Variants in TRIO observed in about 807,000 individuals in gnomAD.
The protein encoded by TRIO is trio Rho guanine nucleotide exchange factor.
A neutral mutation model predicts 351.9 loss-of-function variants in TRIO; 58 were observed. That is an observed-to-expected ratio of 0.16 (90% confidence interval 0.13 to 0.21). The LOEUF is 0.21. TRIO is among the 10% of genes least tolerant of loss of function. The probability of loss-of-function intolerance (pLI) is 1.00; values close to 1 mark genes in which losing one functional copy is unlikely to be tolerated. For missense variants in TRIO, 3,201 were observed against 4,027.8 expected, an observed-to-expected ratio of 0.79 and a Z score of 5.56; for synonymous variants, 1,758 against 1,595.7, an observed-to-expected ratio of 1.10 and a Z score of -2.42.
chr5:14,174,607 G>A (rs1789296880), intron 1 of TRIO, among the ~76,000 whole-genome samples: 1 of 152,218 alleles, frequency 6.6e-6, no homozygotes. Flanking sequence ...AAGGCTGCGG[G>A]CCTGAACCCT....
chr5:14,234,066 G>GA (rs2152225884), intron 1 of TRIO, among the ~76,000 whole-genome samples: 1 of 152,290 alleles, frequency 6.6e-6, no homozygotes, highest in African/African-American at 2.4e-5. Flanking sequence ...AAGGTGCTGA[G>GA]ATAGGCATGA....
chr5:14,296,690 G>T (rs901886850), intron 6 of TRIO, among the ~76,000 whole-genome samples: 12 of 152,110 alleles, frequency 7.9e-5, no homozygotes, highest in Admixed American at 2.0e-4. Flanking sequence ...CCAGAGCGCT[G>T]GGTCCCTCAG....
At chr5:14,304,742 C>A in intron 8 of TRIO, 150 bp downstream of exon 8, 1 of 943,916 alleles carries the variant, frequency 1.1e-6, no homozygotes, top group Non-Finnish European at 1.6e-6. Flanking sequence ...CATTTGAACC[C>A]CTGTGTGTGT....
chr5:14,290,573 G>A (rs1372494039), intron 4 of TRIO, 143 bp from the exon 5 acceptor site: 1 of 820,226 alleles, frequency 1.2e-6, no homozygotes, highest in African/African-American at 1.7e-5. Flanking sequence ...TTATTTTTAT[G>A]GGGCCAGAAC....
intron 27 of TRIO, among the ~76,000 whole-genome samples, chr5:14,391,292 A>G (rs187667): frequency 0.31 from 47,597 of 151,986 alleles, 8,001 homozygotes; most frequent in African/African-American, 0.42. Flanking sequence ...TATCATTACT[A>G]TTTATATTCA....
At chr5:14,306,737 A>G (rs1296954645) in intron 8 of TRIO, among the ~76,000 whole-genome samples, 2 of 152,194 alleles carry the variant, frequency 1.3e-5, no homozygotes, top group Non-Finnish European at 2.9e-5. Flanking sequence ...TGACCCAGCC[A>G]GTGTCATCCT....
intron 2 of TRIO, among the ~76,000 whole-genome samples, chr5:14,279,303 C>T (rs1038928243): frequency 6.6e-6 from 1 of 151,960 alleles, no homozygotes; most frequent in African/African-American, 2.4e-5. Context: ...TTTAAAATAC[C>T]ATCATCTTCT....
At chr5:14,489,652 G>A (rs777861362) in intron 48 of TRIO, among the ~76,000 whole-genome samples, 4 of 152,206 alleles carry the variant, frequency 2.6e-5, no homozygotes, top group Admixed American at 6.5e-5. Flanking sequence ...CAGAGTCTGT[G>A]TTTCAAAATT....
rs557657279 is a variant in TRIO at position 14,220,454 on chromosome 5, G to A, written c.158-50371G>A. ...CTCTAAGTGTTCAAGTGAAAGTAAC[G>A]TTTGCACATCTCTCATGTTAAATCA... On this transcript the variant is annotated intron_variant, in intron 1 of 56. Coordinates refer to ENST00000344204, the MANE Select transcript of TRIO (RefSeq NM_007118.4). Among the ~76,000 whole-genome samples, 346 of 152,272 alleles carry A rather than the reference G, an allele frequency of 2.3e-3. 2 individuals are homozygous for A. The highest frequency in any genetic ancestry group is 3.5e-3 in the Admixed American group (53 of 15,292).
chr5:14,243,961 C>T (rs946615017), intron 1 of TRIO, among the ~76,000 whole-genome samples: 3 of 152,222 alleles, frequency 2.0e-5, no homozygotes, highest in Non-Finnish European at 2.9e-5. Context: ...AGAAGGGCTC[C>T]TCTTAGGGAG....
At chr5:14,390,734 T>C (rs1747006489) in intron 26 of TRIO, among the ~76,000 whole-genome samples, 167 bp from the exon 27 acceptor site, 1 of 152,242 alleles carries the variant, frequency 6.6e-6, no homozygotes. Flanking sequence ...AGCTGCATGC[T>C]GTCAGAACGA....
At chr5:14,236,321 A>G (rs1198507301) in intron 1 of TRIO, among the ~76,000 whole-genome samples, 1 of 152,230 alleles carries the variant, frequency 6.6e-6, no homozygotes, top group Non-Finnish European at 1.5e-5. Context: ...CCTGATTATT[A>G]AATCTTAAAT....
At position 14,314,257 on chromosome 5, in the gene TRIO, G is replaced by A. The variant is rs138270331; in HGVS notation, c.1501-2256G>A. On this transcript the variant is annotated intron_variant, in intron 8 of 56. Coordinates refer to ENST00000344204, the MANE Select transcript of TRIO (RefSeq NM_007118.4). ...CTACCTTTGCATATAATTTATATGT[G>A]TACATAAAAATTATATGCTACATTG... Among the ~76,000 whole-genome samples the A allele has an allele frequency of 8.5e-5, 13 of 152,224 alleles. No homozygotes were observed. In the East Asian group the frequency reaches 2.5e-3, roughly 29 times the overall value.
rs61421041 is a variant in TRIO at position 14,256,275 on chromosome 5, C to A, written c.158-14550C>A. ...TTCACATGAACCAAGTGAGAACTCA[C>A]AAAGACAGCACCAAGACATTCATGA... On this transcript the variant is annotated intron_variant, in intron 1 of 56. Transcript: ENST00000344204. 8.5e-3 allele frequency among the ~76,000 whole-genome samples: 1,301 copies of A among 152,236 alleles called. 13 individuals are homozygous for A. The highest frequency in any genetic ancestry group is 0.029 in the African/African-American group (1,224 of 41,508).
intron 1 of TRIO, among the ~76,000 whole-genome samples, chr5:14,188,072 G>A (rs1387019844): frequency 6.6e-6 from 1 of 152,192 alleles, no homozygotes; most frequent in African/African-American, 2.4e-5. Flanking sequence ...TTTGAATAGT[G>A]AACACAGATT....
At chr5:14,154,847 C>T (rs1304095938) in intron 1 of TRIO, among the ~76,000 whole-genome samples, 2 of 152,178 alleles carry the variant, frequency 1.3e-5, no homozygotes, top group Non-Finnish European at 2.9e-5. Context: ...GTCACTTCCT[C>T]CTAGTTTGCC....
At chr5:14,415,245 C>T (rs1749541754) in intron 33 of TRIO, among the ~76,000 whole-genome samples, 1 of 152,190 alleles carries the variant, frequency 6.6e-6, no homozygotes, top group Non-Finnish European at 1.5e-5. Context: ...TTGATCTTTA[C>T]CACATTAGAC....
At position 14,508,033 on chromosome 5, in the gene TRIO, G is replaced by A. The variant is rs775980255; in HGVS notation, c.8905G>A (p.Val2969Ile). The change falls in exon 57 of 57, where the codon GTC (valine) becomes ATC (isoleucine). Residue 2969 changes from valine (V) to isoleucine (I), a missense_variant. Around this residue, in one of 19 missense-constraint regions of TRIO, gnomAD observed 233 missense variants for 292.6 expected, o/e 0.80. Transcript: ENST00000344204. ...AAPEIILGNPVSLTSDTWSVG... is the reference protein window; with the variant it reads ...AAPEIILGNPISLTSDTWSVG... ...CCCTGAAATCATCCTCGGGAACCCTGTCTCCCTGACCTCGGATACGTGGAG... is the reference window on the plus strand; with the variant it reads ...CCCTGAAATCATCCTCGGGAACCCTATCTCCCTGACCTCGGATACGTGGAG... The A allele has an allele frequency of 3.1e-6, 5 of 1,614,072 alleles. No individual in the cohort carries two copies. The highest frequency in any genetic ancestry group is 4.2e-6 in the Non-Finnish European group (5 of 1,180,046).
chr5:14,316,408 G>T (rs547818463), intron 8 of TRIO, 105 bp from the exon 9 acceptor site: 1 of 1,095,874 alleles, frequency 9.1e-7, no homozygotes, highest in Admixed American at 2.1e-5. Flanking sequence ...GTACATGTAC[G>T]TGTGTGCCTG....
Sources: gnomAD v4.1 joint callset for allele counts (sites outside exome capture counted in the v4.1 genomes callset) on GRCh38, gnomAD v4.1.1 for gene constraint, gnomAD v4.1.1 regional missense constraint, MANE v1.5 for transcripts, NCBI Gene and HGNC (gene_info 2026-07-23, HGNC 2026-07-21) for gene names.